The following NKAIN2 variants were observed in gnomAD, a reference collection of about 807,000 sequenced individuals.
The protein encoded by NKAIN2 is sodium/potassium transporting ATPase interacting 2, also known as sodium/potassium-transporting ATPase subunit beta-1-interacting protein 2.
A neutral mutation model predicts 32.6 loss-of-function variants in NKAIN2; 14 were observed. The observed-to-expected ratio is 0.43, with a 90% CI of 0.28 to 0.67. The LOEUF (loss-of-function observed/expected upper bound fraction) is 0.67. NKAIN2 is among the 30% of genes least tolerant of loss of function. NKAIN2 has a pLI of 0.17. For missense variants in NKAIN2, 198 were observed against 258.3 expected, an observed-to-expected ratio of 0.77 and a Z score of 1.60; for synonymous variants, 80 against 87.2, an observed-to-expected ratio of 0.92 and a Z score of 0.46.
chr6:123,834,148 T>G (rs886954052), intron 1 of NKAIN2, among the ~76,000 whole-genome samples: 2 of 151,776 alleles, frequency 1.3e-5, no homozygotes, highest in African/African-American at 4.8e-5. Flanking sequence ...GTTCTAAGAG[T>G]TTTTTATTTA....
intron 1 of NKAIN2, among the ~76,000 whole-genome samples, chr6:123,952,780 A>G (rs1777387316): frequency 6.6e-6 from 1 of 151,938 alleles, no homozygotes; most frequent in Admixed American, 6.6e-5. Context: ...TTTTTAATTC[A>G]TATCCTGAAT....
At chr6:123,929,735 T>A (rs890650200) in intron 1 of NKAIN2, among the ~76,000 whole-genome samples, 12 of 152,108 alleles carry the variant, frequency 7.9e-5, no homozygotes, top group Non-Finnish European at 1.5e-4. Context: ...GGGTTTTACA[T>A]TTCAGTATCC....
At chr6:124,774,467 G>A (rs901248795) in intron 4 of NKAIN2, among the ~76,000 whole-genome samples, 3 of 152,140 alleles carry the variant, frequency 2.0e-5, no homozygotes, top group Non-Finnish European at 4.4e-5. Flanking sequence ...GAGCAGGATT[G>A]TAGTTTGCAC....
At chr6:124,011,543 C>A (rs1387090962) in intron 1 of NKAIN2, among the ~76,000 whole-genome samples, 2 of 152,068 alleles carry the variant, frequency 1.3e-5, no homozygotes, top group Non-Finnish European at 2.9e-5. Flanking sequence ...TTCTTTTATA[C>A]CTCTGTCTTG....
At chr6:124,476,065 AGTGTGT>A (rs61191593) in intron 3 of NKAIN2, among the ~76,000 whole-genome samples, 27,225 of 132,248 alleles carry the variant, frequency 0.21, 2,463 homozygotes, top group Admixed American at 0.26. Flanking sequence ...AGAGAGAGAG[AGTGTGT>A]GTGTGTGTGT....
chr6:124,274,546 A>G (rs1794939186), intron 1 of NKAIN2, among the ~76,000 whole-genome samples: 1 of 152,138 alleles, frequency 6.6e-6, no homozygotes, highest in Non-Finnish European at 1.5e-5. Context: ...AGTCATGGCC[A>G]TGGAAGTTAA....
chr6:124,433,864 C>T (rs1775324119), intron 3 of NKAIN2, among the ~76,000 whole-genome samples: 1 of 152,124 alleles, frequency 6.6e-6, no homozygotes, highest in African/African-American at 2.4e-5. Context: ...ACTTGTAAAC[C>T]ACAAAAGCAT....
At chr6:124,081,216 A>G (rs1341585927) in intron 1 of NKAIN2, among the ~76,000 whole-genome samples, 1 of 152,052 alleles carries the variant, frequency 6.6e-6, no homozygotes, top group Non-Finnish European at 1.5e-5. Context: ...AGTTAATCCT[A>G]ATTTTAGTTA....
At chr6:124,063,182 C>G (rs146259117) in intron 1 of NKAIN2, among the ~76,000 whole-genome samples, 2,727 of 150,608 alleles carry the variant, frequency 0.018, 86 homozygotes, top group African/African-American at 0.06. Flanking sequence ...GAGACTCCAT[C>G]TCAAAAAAAA....
intron 1 of NKAIN2, among the ~76,000 whole-genome samples, chr6:123,937,006 A>G (rs1423189122): frequency 6.6e-6 from 1 of 152,096 alleles, no homozygotes; most frequent in Non-Finnish European, 1.5e-5. Flanking sequence ...AAAAACAATC[A>G]GGTCTGTGAC....
At chr6:124,379,464 A>G (rs1407897024) in intron 3 of NKAIN2, among the ~76,000 whole-genome samples, 1 of 152,094 alleles carries the variant, frequency 6.6e-6, no homozygotes, top group Non-Finnish European at 1.5e-5. Flanking sequence ...TTATGTAATG[A>G]ATTCCCTGCC....
chr6:124,752,863 CAT>C (rs1777789544), intron 4 of NKAIN2, among the ~76,000 whole-genome samples: 1 of 152,034 alleles, frequency 6.6e-6, no homozygotes, highest in South Asian at 2.1e-4. Flanking sequence ...ATGAATCTGA[CAT>C]ATATACAGAA....
chr6:123,861,130 A>G (rs1031354733), intron 1 of NKAIN2, among the ~76,000 whole-genome samples: 2 of 152,314 alleles, frequency 1.3e-5, no homozygotes, highest in Admixed American at 6.5e-5. Context: ...GGGGCAGATA[A>G]TGGCTTCCAA....
intron 3 of NKAIN2, among the ~76,000 whole-genome samples, chr6:124,466,663 ACT>A (rs981698956): frequency 6.6e-6 from 1 of 151,716 alleles, no homozygotes; most frequent in Non-Finnish European, 1.5e-5. Context: ...GTAAAAAAAG[ACT>A]CTATCACTGC....
intron 1 of NKAIN2, among the ~76,000 whole-genome samples, chr6:124,215,569 G>A (rs1791426002): frequency 6.6e-6 from 1 of 152,102 alleles, no homozygotes; most frequent in Admixed American, 6.6e-5. Flanking sequence ...AATAGCATTT[G>A]TTTTTCAACT....
chr6:124,188,199 A>T (rs1405331874), intron 1 of NKAIN2, among the ~76,000 whole-genome samples: 1 of 152,220 alleles, frequency 6.6e-6, no homozygotes. Flanking sequence ...TCATATCATG[A>T]TTCAATCAGA....
intron 1 of NKAIN2, among the ~76,000 whole-genome samples, chr6:123,884,327 C>T (rs1170037074): frequency 1.3e-5 from 2 of 152,004 alleles, no homozygotes; most frequent in African/African-American, 2.4e-5. Flanking sequence ...GCATATGTAC[C>T]CCATTTTCTT....
At chr6:124,803,316 TCTC>T (rs897378742) in intron 5 of NKAIN2, among the ~76,000 whole-genome samples, 1 of 152,178 alleles carries the variant, frequency 6.6e-6, no homozygotes, top group Non-Finnish European at 1.5e-5. Flanking sequence ...CAGGTAAGCT[TCTC>T]CTCTACAAAG....
intron 3 of NKAIN2, chr6:124,490,417 T>TTTTTG: frequency 9.7e-6 from 4 of 412,922 alleles, no homozygotes; most frequent in Middle Eastern, 3.5e-4. Context: ...TAGAGGTTTT[T>TTTTTG]TTTTTTTTTT....
Sources: gnomAD v4.1 joint callset for allele counts (sites outside exome capture counted in the v4.1 genomes callset) on GRCh38, gnomAD v4.1.1 for gene constraint, MANE v1.5 for transcripts, NCBI Gene and HGNC (gene_info 2026-07-23, HGNC 2026-07-21) for gene names.